The following LPP variants were observed in gnomAD, a reference collection of about 807,000 sequenced individuals.
The protein encoded by LPP is lipoma-preferred partner.
LPP carries 38 observed loss-of-function variants against 60.4 expected under a neutral mutation model. That is an observed-to-expected ratio of 0.63 (90% CI 0.49 to 0.83). LPP has a LOEUF of 0.83. LPP is among the 40% of genes least tolerant of loss of function. The pLI, the probability that LPP is intolerant of heterozygous loss-of-function variation, is 0.00. For synonymous variants in LPP, 328 were observed against 290.8 expected (o/e 1.13, Z -1.30); for missense variants, 902 against 783.6 (o/e 1.15, Z -1.80).
At chr3:188,564,081 T>G (rs1284463122) in intron 6 of LPP, among the ~76,000 whole-genome samples, 1 of 151,990 alleles carries the variant, frequency 6.6e-6, no homozygotes, top group African/African-American at 2.4e-5. Context: ...AAAATGCAAA[T>G]GTAGCAATGC....
intron 2 of LPP, among the ~76,000 whole-genome samples, chr3:188,245,051 C>G (rs773758210): frequency 6.6e-6 from 1 of 152,176 alleles, no homozygotes; most frequent in African/African-American, 2.4e-5. Flanking sequence ...TTGCACTCAT[C>G]ATTCTAGGCT....
intron 4 of LPP, among the ~76,000 whole-genome samples, chr3:188,407,980 G>A (rs752120493): frequency 1.4e-4 from 21 of 151,928 alleles, no homozygotes; most frequent in Non-Finnish European, 2.1e-4. Context: ...TAGAGATGGC[G>A]TTTCTCCACA....
intron 8 of LPP, among the ~76,000 whole-genome samples, chr3:188,741,260 T>G (rs778079200): frequency 6.6e-6 from 1 of 151,760 alleles, no homozygotes; most frequent in Non-Finnish European, 1.5e-5. Context: ...GGAAGGGAGA[T>G]TCTGTAATTT....
intron 6 of LPP, among the ~76,000 whole-genome samples, chr3:188,605,705 T>C (rs571656747): frequency 8.5e-5 from 13 of 152,146 alleles, no homozygotes; most frequent in Non-Finnish European, 1.9e-4. Context: ...AGCAATATAT[T>C]GGGTATTGTC....
intron 1 of LPP, among the ~76,000 whole-genome samples, chr3:188,158,318 G>T (rs1426268156): frequency 1.3e-5 from 2 of 152,178 alleles, no homozygotes; most frequent in Admixed American, 6.5e-5. Flanking sequence ...GTTGATGCAT[G>T]CAGGAAGCTA....
intron 3 of LPP, among the ~76,000 whole-genome samples, chr3:188,353,428 T>C (rs1159112488): frequency 6.6e-6 from 1 of 152,246 alleles, no homozygotes; most frequent in Non-Finnish European, 1.5e-5. Context: ...TTAAGAATTC[T>C]TATGTGTGAT....
In LPP at chr3:188,273,427, G is replaced by T. The variant is rs143829632; in HGVS notation, c.-67+47900G>T. Among the ~76,000 whole-genome samples the T allele has an allele frequency of 2.4e-3, 368 of 152,186 alleles. 2 individuals carry two copies. The highest frequency in any genetic ancestry group is 8.6e-3 in the African/African-American group (359 of 41,522). ...CAGGCTTTGTAGTAGATGCTGACCT[G>T]TAGAAGTGAACCATAAACCCTAAGC... is the stretch of plus-strand genomic sequence containing the variant. On this transcript the variant is annotated intron_variant, in intron 2 of 11. Transcript: ENST00000617246.
intron 7 of LPP, among the ~76,000 whole-genome samples, chr3:188,614,589 T>C (rs2151461760): frequency 6.6e-6 from 1 of 152,308 alleles, no homozygotes; most frequent in Non-Finnish European, 1.5e-5. Flanking sequence ...TGTCTTTCTT[T>C]TTCTGATGAG....
rs151291442 is a variant in LPP at position 188,281,154 on chromosome 3, T to G, written c.-67+55627T>G. On this transcript the variant is annotated intron_variant, in intron 2 of 11. Transcript: ENST00000617246. The stretch of plus-strand genomic sequence containing the variant: ...AAAACAATTTGCACATATGAATTAT[T>G]TAATAAATGTGGTTCTTACTACTGT... Among the ~76,000 whole-genome samples, 858 of 152,276 alleles carry G rather than the reference T, an allele frequency of 5.6e-3. 9 individuals are homozygous for G. The highest frequency in any genetic ancestry group is 0.02 in the African/African-American group (818 of 41,546).
intron 2 of LPP, among the ~76,000 whole-genome samples, chr3:188,250,724 CTCTT>C (rs768358623): frequency 0.19 from 22,163 of 118,210 alleles, 2,311 homozygotes; most frequent in Middle Eastern, 0.21. Context: ...CTTTCTTTCT[CTCTT>C]TCTTTCTTTC....
chr3:188,170,344 T>C (rs1340053243), intron 1 of LPP, among the ~76,000 whole-genome samples: 1 of 148,356 alleles, frequency 6.7e-6, no homozygotes, highest in Non-Finnish European at 1.5e-5. Flanking sequence ...TTTTTTTTTT[T>C]TTTTGAGAGG....
At chr3:188,641,071 T>C (rs558157092) in intron 7 of LPP, among the ~76,000 whole-genome samples, 8 of 151,982 alleles carry the variant, frequency 5.3e-5, no homozygotes, top group Non-Finnish European at 1.0e-4. Flanking sequence ...TTGCAGTGGA[T>C]TTTTCTCAGA....
At chr3:188,700,058 A>G (rs1864075710) in intron 7 of LPP, among the ~76,000 whole-genome samples, 2 of 152,320 alleles carry the variant, frequency 1.3e-5, no homozygotes, top group East Asian at 1.9e-4. Flanking sequence ...TTTTTTTTCA[A>G]GAACACATAA....
chr3:188,456,752 T>C (rs770742728), intron 4 of LPP, among the ~76,000 whole-genome samples: 8 of 152,220 alleles, frequency 5.3e-5, no homozygotes, highest in Non-Finnish European at 1.0e-4. Flanking sequence ...AGAAAACGCC[T>C]GTCGATTTTT....
intron 3 of LPP, among the ~76,000 whole-genome samples, chr3:188,373,765 G>C (rs527780138): frequency 2.0e-5 from 3 of 152,100 alleles, no homozygotes; most frequent in East Asian, 3.9e-4. Context: ...TGGTGTTTTA[G>C]ACATGAAGTC....
intron 8 of LPP, among the ~76,000 whole-genome samples, chr3:188,748,799 A>G (rs751980071): frequency 6.6e-6 from 1 of 152,174 alleles, no homozygotes; most frequent in Non-Finnish European, 1.5e-5. Flanking sequence ...AATAATAATA[A>G]TAAGACGAAG....
chr3:188,669,079 G>A (rs116387620), intron 7 of LPP, among the ~76,000 whole-genome samples: 2,141 of 152,218 alleles, frequency 0.014, 20 homozygotes, highest in Non-Finnish European at 0.021. Flanking sequence ...AGGAGCATGT[G>A]AACATATGAT....
chr3:188,260,820 G>A (rs1369825192), intron 2 of LPP, among the ~76,000 whole-genome samples: 1 of 152,072 alleles, frequency 6.6e-6, no homozygotes, highest in African/African-American at 2.4e-5. Flanking sequence ...ATGGTTTGAG[G>A]TCAGGAGTTT....
rs150893241 is a variant in LPP at position 188,413,909 on chromosome 3, G to A, written c.193+7596G>A. Among the ~76,000 whole-genome samples the A allele has an allele frequency of 3.5e-3, 536 of 152,206 alleles. 4 individuals carry two copies. Among genetic ancestry groups the A allele is most frequent in the African/African-American group, 0.012 (513 of 41,528 alleles). ...GTAATACCAACTGCCTCACAAGATT[G>A]TTTTGAAAGCCAAATATGATGATAA... On this transcript the variant is annotated intron_variant, in intron 4 of 11. Coordinates refer to ENST00000617246, the MANE Select transcript of LPP (RefSeq NM_001375462.1).
Sources: allele counts gnomAD v4.1 joint callset (sites outside exome capture counted in the v4.1 genomes callset), GRCh38; gene constraint gnomAD v4.1.1; transcripts MANE v1.5; gene names NCBI Gene and HGNC (gene_info 2026-07-23, HGNC 2026-07-21).